The following MEIS2 variants were observed in gnomAD, a reference collection of about 807,000 sequenced individuals.
MEIS2 encodes Meis homeobox 2.
Under a neutral mutation model 58.6 loss-of-function variants are expected in MEIS2, and 9 were observed. The observed-to-expected ratio is 0.15, with a 90% confidence interval of 0.09 to 0.27. The LOEUF (loss-of-function observed/expected upper bound fraction) is 0.27. Among genes scored for constraint, MEIS2 ranks in the 10% least tolerant of loss-of-function variants. The pLI is 1.00. For synonymous variants in MEIS2, 221 were observed against 228.4 expected, an observed-to-expected ratio of 0.97 and a Z score of 0.29; for missense variants, 427 against 635.0, an observed-to-expected ratio of 0.67 and a Z score of 3.52.
At chr15:36,990,188 G>A (rs954587896) in intron 8 of MEIS2, among the ~76,000 whole-genome samples, 3 of 151,844 alleles carry the variant, frequency 2.0e-5, no homozygotes, top group African/African-American at 7.3e-5. Context: ...CTCGTGACCC[G>A]CCCACCTCGG....
intron 9 of MEIS2, among the ~76,000 whole-genome samples, chr15:36,911,874 A>T (rs2057043440): frequency 6.6e-6 from 1 of 152,194 alleles, no homozygotes; most frequent in Non-Finnish European, 1.5e-5. Flanking sequence ...TGCTGTGAAG[A>T]ATTGGCAAAG....
intron 8 of MEIS2, among the ~76,000 whole-genome samples, chr15:37,027,701 T>C (rs978240095): frequency 2.6e-5 from 4 of 152,122 alleles, no homozygotes; most frequent in African/African-American, 9.7e-5. Context: ...ATTATTTTGG[T>C]TTCTTTTTGA....
chr15:36,927,159 G>A (rs1281759399), intron 9 of MEIS2, among the ~76,000 whole-genome samples: 1 of 152,124 alleles, frequency 6.6e-6, no homozygotes, highest in Non-Finnish European at 1.5e-5. Flanking sequence ...TCAGCAACTG[G>A]AGATTTTATT....
intron 9 of MEIS2, among the ~76,000 whole-genome samples, chr15:36,928,286 C>T (rs982428129): frequency 3.9e-5 from 6 of 152,066 alleles, no homozygotes; most frequent in Non-Finnish European, 8.8e-5. Context: ...CAGGAATAGA[C>T]GGAGAACAGA....
chr15:36,991,249 TTC>T (rs1555444903), intron 8 of MEIS2, among the ~76,000 whole-genome samples: 1 of 71,688 alleles, frequency 1.4e-5, no homozygotes, highest in Non-Finnish European at 3.7e-5. Context: ...AATGAGATTT[TTC>T]TCTCTTTTTT....
chr15:37,054,818 CAGT>C (rs2063068915), intron 7 of MEIS2, among the ~76,000 whole-genome samples: 1 of 152,170 alleles, frequency 6.6e-6, no homozygotes, highest in Admixed American at 6.5e-5. Context: ...ATTTCAACAG[CAGT>C]AATTAGCATT....
chr15:36,922,863 G>T (rs565287378), intron 9 of MEIS2, among the ~76,000 whole-genome samples: 1 of 151,708 alleles, frequency 6.6e-6, no homozygotes, highest in East Asian at 1.9e-4. Context: ...TGATCTGCCT[G>T]CCTTGGCCTC....
At chr15:37,002,231 T>C (rs1288015456) in intron 8 of MEIS2, among the ~76,000 whole-genome samples, 1 of 152,066 alleles carries the variant, frequency 6.6e-6, no homozygotes, top group African/African-American at 2.4e-5. Context: ...ATACATTCCC[T>C]GCACCGTCCT....
At chr15:36,987,764 T>C (rs1316041357) in intron 8 of MEIS2, among the ~76,000 whole-genome samples, 1 of 150,206 alleles carries the variant, frequency 6.7e-6, no homozygotes, top group East Asian at 2.0e-4. Flanking sequence ...CTGATCTAAA[T>C]GAATCTCAGC....
At chr15:37,087,711 T>C (rs1893055138) in intron 6 of MEIS2, among the ~76,000 whole-genome samples, 1 of 152,100 alleles carries the variant, frequency 6.6e-6, no homozygotes, top group Non-Finnish European at 1.5e-5. Flanking sequence ...GTGCCTCTCT[T>C]GTTGAAGTTG....
At chr15:37,089,971 A>C (rs1893323550) in intron 6 of MEIS2, among the ~76,000 whole-genome samples, 1 of 152,170 alleles carries the variant, frequency 6.6e-6, no homozygotes, top group African/African-American at 2.4e-5. Context: ...TGGTCATTTC[A>C]CAGCAGTTTT....
intron 7 of MEIS2, among the ~76,000 whole-genome samples, chr15:37,067,291 C>T (rs1890081584): frequency 6.6e-6 from 1 of 151,778 alleles, no homozygotes; most frequent in Non-Finnish European, 1.5e-5. Context: ...GGTTTCACCA[C>T]GTTGTCCAGA....
intron 9 of MEIS2, among the ~76,000 whole-genome samples, chr15:36,923,756 TC>T (rs1454759155): frequency 1.3e-5 from 2 of 152,144 alleles, no homozygotes; most frequent in Non-Finnish European, 2.9e-5. Flanking sequence ...CCAAATTCCC[TC>T]CCATGCGTTC....
At chr15:36,923,329 CTT>C (rs1172658749) in intron 9 of MEIS2, among the ~76,000 whole-genome samples, 1 of 146,796 alleles carries the variant, frequency 6.8e-6, no homozygotes, top group Non-Finnish European at 1.5e-5. Flanking sequence ...AGGTTCTGAG[CTT>C]TTTTTTTTTC....
chr15:36,974,764 AAC>A (rs2059684583), intron 8 of MEIS2, among the ~76,000 whole-genome samples: 1 of 152,198 alleles, frequency 6.6e-6, no homozygotes, highest in Non-Finnish European at 1.5e-5. Context: ...TTGAGAACAA[AAC>A]AGTCTTTCCC....
intron 8 of MEIS2, among the ~76,000 whole-genome samples, chr15:36,952,607 CTGTGTGTGTGTGTGTGTGTGTGTG>C (rs59061267): frequency 1.4e-5 from 2 of 139,994 alleles, no homozygotes; most frequent in Non-Finnish European, 3.1e-5. Context: ...GTCTCTCTCT[CTGTGTGTGTGTGTGTGTGTGTGTG>C]TGTGTGTGTG....
chr15:36,916,382 G>T (rs563007400), intron 9 of MEIS2, among the ~76,000 whole-genome samples: 1 of 146,462 alleles, frequency 6.8e-6, no homozygotes, highest in Admixed American at 6.9e-5. Context: ...AGCTGAGACC[G>T]CACCGCTGCA....
chr15:36,918,315 T>C (rs1356313382), intron 9 of MEIS2, among the ~76,000 whole-genome samples: 1 of 152,226 alleles, frequency 6.6e-6, no homozygotes, highest in African/African-American at 2.4e-5. Flanking sequence ...CTGAGTGATT[T>C]TGGACAAGTT....
chr15:36,995,999 A>G (rs8034905), intron 8 of MEIS2, among the ~76,000 whole-genome samples: 68,240 of 102,420 alleles, frequency 0.67, 18,893 homozygotes, highest in Middle Eastern at 0.77. Flanking sequence ...ATATATATAT[A>G]TATGTATATA....
Sources: allele counts gnomAD v4.1 joint callset (sites outside exome capture counted in the v4.1 genomes callset), GRCh38; gene constraint gnomAD v4.1.1; transcripts MANE v1.5; gene names NCBI Gene and HGNC (gene_info 2026-07-23, HGNC 2026-07-21).